The following STRN variants were observed in gnomAD, a reference collection of about 807,000 sequenced individuals.
STRN encodes protein phosphatase 2 regulatory subunit B'''alpha.
STRN carries 53 observed loss-of-function variants against 96.3 expected under a neutral mutation model. The ratio of observed to expected loss-of-function variants is 0.55; its 90% confidence interval spans 0.44 to 0.69. The LOEUF (loss-of-function observed/expected upper bound fraction) is 0.69, where lower values mean the gene tolerates loss of function less well. Among genes scored for constraint, STRN ranks in the 30% least tolerant of loss-of-function variants. STRN has a pLI of 0.00. For missense variants in STRN, 987 were observed against 963.9 expected (o/e 1.02, Z -0.32); for synonymous variants, 428 against 355.9 (o/e 1.20, Z -2.28).
chr2:36,905,860 CCT>C (rs1669805674), intron 3 of STRN, among the ~76,000 whole-genome samples: 1 of 152,116 alleles, frequency 6.6e-6, no homozygotes, highest in Admixed American at 6.5e-5. Context: ...ATACATTTTC[CCT>C]GTCTTTAACT....
At chr2:36,860,240 A>T (rs1266166709) in intron 13 of STRN, among the ~76,000 whole-genome samples, 1 of 152,228 alleles carries the variant, frequency 6.6e-6, no homozygotes, top group Admixed American at 6.5e-5. Context: ...AAAAGAAACT[A>T]AAATGAATAA....
chr2:36,853,514 T>C (rs1034851283), intron 15 of STRN, among the ~76,000 whole-genome samples: 1 of 152,182 alleles, frequency 6.6e-6, no homozygotes. Flanking sequence ...AGGAAGCTTC[T>C]CCACTTGATG....
At chr2:36,862,060 T>C (rs996372249) in intron 12 of STRN, among the ~76,000 whole-genome samples, 7 of 152,190 alleles carry the variant, frequency 4.6e-5, no homozygotes, top group African/African-American at 1.2e-4. Context: ...TTGCTTAAGA[T>C]GGTCTTCAGT....
intron 10 of STRN, among the ~76,000 whole-genome samples, chr2:36,870,109 T>C (rs1021062699): frequency 1.3e-5 from 2 of 152,162 alleles, no homozygotes; most frequent in African/African-American, 4.8e-5. Context: ...CCTGCTAACA[T>C]TTTAAAATGT....
intron 1 of STRN, among the ~76,000 whole-genome samples, chr2:36,928,645 C>T (rs1310500748): frequency 7.2e-6 from 1 of 138,126 alleles, no homozygotes; most frequent in Non-Finnish European, 1.5e-5. Context: ...CAGTGAGACT[C>T]CATCTTAAAA....
chr2:36,952,024 G>A (rs539682433), intron 1 of STRN, among the ~76,000 whole-genome samples: 3 of 152,096 alleles, frequency 2.0e-5, no homozygotes. Context: ...ATGTGAGGTG[G>A]AACAATTTCG....
intron 1 of STRN, among the ~76,000 whole-genome samples, chr2:36,964,113 A>T (rs978605210): frequency 4.0e-5 from 6 of 150,854 alleles, no homozygotes; most frequent in African/African-American, 1.2e-4. Context: ...GTGTGCATAA[A>T]AACTGAAGAT....
chr2:36,861,030 A>AT, intron 13 of STRN, 102 bp downstream of exon 13: 1 of 1,390,344 alleles, frequency 7.2e-7, no homozygotes, highest in Non-Finnish European at 9.7e-7. Context: ...CTCTTTACCT[A>AT]TTTATTTTCA....
intron 8 of STRN, among the ~76,000 whole-genome samples, chr2:36,884,336 T>C (rs533198200): frequency 7.2e-4 from 110 of 152,314 alleles, no homozygotes; most frequent in African/African-American, 2.3e-3. Flanking sequence ...AGTTAGACCA[T>C]GAAAAATAAC....
chr2:36,910,039 G>A (rs911596521), intron 3 of STRN, among the ~76,000 whole-genome samples: 1 of 152,088 alleles, frequency 6.6e-6, no homozygotes, highest in East Asian at 1.9e-4. Context: ...CAGGTGTGGT[G>A]GCAGGCGCCT....
chr2:36,950,417 T>C (rs1369702288), intron 1 of STRN, among the ~76,000 whole-genome samples: 2 of 152,142 alleles, frequency 1.3e-5, no homozygotes, highest in Non-Finnish European at 2.9e-5. Context: ...GGTTTCACCA[T>C]GTTGGCCAGG....
At chr2:36,905,689 C>A in intron 3 of STRN, 71 bp from the exon 4 acceptor site, 4 of 1,266,322 alleles carry the variant, frequency 3.2e-6, no homozygotes, top group African/African-American at 1.5e-5. Context: ...TCATTAATAA[C>A]GTCCAATAAA....
chr2:36,928,770 C>T (rs548343708), intron 1 of STRN, among the ~76,000 whole-genome samples: 7 of 151,670 alleles, frequency 4.6e-5, no homozygotes, highest in South Asian at 4.2e-4. Context: ...TGGTGAAACC[C>T]CATCTCTACT....
chr2:36,847,691 G>A lies in STRN; in HGVS notation c.*1765C>T, dbSNP rs1265076644. ...TTTAGCACAAGTCTCTAGCTTTAAA[G>A]AAAATTTGCCTGTATAATGCAGAAT... On this transcript the variant is annotated 3_prime_UTR_variant, in exon 18 of 18. Coordinates refer to ENST00000263918, the MANE Select transcript of STRN (RefSeq NM_003162.4). The A allele has an allele frequency of 6.6e-6, 1 of 152,120 alleles. No homozygotes were observed. The highest frequency in any genetic ancestry group is 2.4e-5 in the African/African-American group (1 of 41,442). 9.4% of individuals were successfully genotyped at this position (152,120 alleles called of 1,614,324 possible). A position where few individuals can be genotyped will look rare whatever the true frequency, so the allele number is the denominator to read the frequency against.
chr2:36,900,514 C>G (rs1171533204), intron 5 of STRN, among the ~76,000 whole-genome samples: 4 of 152,190 alleles, frequency 2.6e-5, no homozygotes, highest in Non-Finnish European at 5.9e-5. Context: ...AGACTCGACC[C>G]TGTTGATTAA....
intron 9 of STRN, among the ~76,000 whole-genome samples, chr2:36,880,536 T>C (rs961207766): frequency 3.3e-5 from 5 of 152,212 alleles, no homozygotes; most frequent in African/African-American, 1.2e-4. Context: ...ATTAAGACAT[T>C]ATCAAACTAC....
chr2:36,846,387 TTATA>T lies in STRN; in HGVS notation c.*3065_*3068del, dbSNP rs57446302. On this transcript the variant is annotated 3_prime_UTR_variant, in exon 18 of 18. Coordinates refer to ENST00000263918, the MANE Select transcript of STRN (RefSeq NM_003162.4). ...CAAAACAGTAAAATGCACCTATGGT[TTATA>T]TATATATATATATATATATATATAT... The T allele has an allele frequency of 8.1e-3, 635 of 78,280 alleles. 9 individuals are homozygous for T. Among genetic ancestry groups the T allele is most frequent in the African/African-American group, 0.015 (195 of 12,808 alleles). 4.8% of individuals were successfully genotyped at this position (78,280 alleles called of 1,614,324 possible).
In STRN at chr2:36,849,756, T is replaced by A; in HGVS notation, c.2131A>T (p.Ser711Cys). ...SMVAHLEAVT[S>C]LAVDPNGLYL... ...AGGCCATTGGGATCAACTGCTAAAC[T>A]TGTAACAGCTTCTAGGTGGGCTACC... The change falls in exon 17 of 18, where the codon AGT becomes TGT. Residue 711 changes from serine (S) to cysteine (C), a missense_variant. By Grantham distance (112) the Ser-to-Cys change is moderately radical. Coordinates refer to ENST00000263918, the MANE Select transcript of STRN (RefSeq NM_003162.4). 6.2e-7 allele frequency: 1 copy of A among 1,614,134 alleles called. No individual in the cohort carries two copies. The highest frequency in any genetic ancestry group is 8.5e-7 in the Non-Finnish European group (1 of 1,180,000).
Position 36,855,293 on chromosome 2 carries a change from A to G in STRN, c.1897T>C (p.Ser633Pro). ...VSSDPSHMVA[S>P]FSKGYTSIFN... Reference sequence around the variant, plus strand: ...ATGCTTGTATATCCCTTGCTGAATGATGCTACCATATGGCTCGGGTCACTG... The same window carrying G: ...ATGCTTGTATATCCCTTGCTGAATGGTGCTACCATATGGCTCGGGTCACTG... The change falls in exon 15 of 18, where the codon TCA becomes CCA. Residue 633 changes from serine to proline, a missense_variant. Transcript: ENST00000263918. 6.2e-7 allele frequency: 1 copy of G among 1,613,918 alleles called. No homozygotes were observed. Among genetic ancestry groups the G allele is most frequent in the Non-Finnish European group, 8.5e-7 (1 of 1,179,840 alleles).
Sources: gnomAD v4.1 joint callset for allele counts (sites outside exome capture counted in the v4.1 genomes callset) on GRCh38, gnomAD v4.1.1 for gene constraint, MANE v1.5 for transcripts, NCBI Gene and HGNC (gene_info 2026-07-23, HGNC 2026-07-21) for gene names.